Variants in ZBTB20 observed in about 807,000 individuals in gnomAD.
The protein encoded by ZBTB20 is zinc finger and BTB domain-containing protein 20.
ZBTB20 carries 9 observed loss-of-function variants against 56.9 expected under a neutral mutation model. The observed-to-expected ratio is 0.16, with a 90% CI of 0.10 to 0.28. The LOEUF (loss-of-function observed/expected upper bound fraction) is 0.28. Ranked by LOEUF, ZBTB20 falls within the 10% of genes least tolerant of loss-of-function variation. The probability of loss-of-function intolerance (pLI) is 1.00; values close to 1 mark genes in which losing one functional copy is unlikely to be tolerated. For synonymous variants in ZBTB20, 417 were observed against 420.7 expected (o/e 0.99, Z 0.11); for missense variants, 655 against 1,003.0 (o/e 0.65, Z 4.69).
chr3:114,737,626 A>T (rs965592689), intron 5 of ZBTB20, among the ~76,000 whole-genome samples: 2 of 152,276 alleles, frequency 1.3e-5, no homozygotes, highest in African/African-American at 4.8e-5. Flanking sequence ...AAATGTGGAA[A>T]TTTTTTTCAG....
intron 3 of ZBTB20, among the ~76,000 whole-genome samples, chr3:114,969,166 T>G (rs1187111314): frequency 1.3e-5 from 2 of 152,186 alleles, no homozygotes; most frequent in Non-Finnish European, 2.9e-5. Flanking sequence ...TGTTCAACAG[T>G]TATCTATAAC....
At chr3:114,515,732 T>TGCC (rs1323717579) in intron 6 of ZBTB20, among the ~76,000 whole-genome samples, 1 of 152,240 alleles carries the variant, frequency 6.6e-6, no homozygotes, top group African/African-American at 2.4e-5. Flanking sequence ...GAGATCTTTC[T>TGCC]GCCTAGCACT....
intron 3 of ZBTB20, among the ~76,000 whole-genome samples, chr3:114,923,097 AAT>A (rs1288212772): frequency 1.3e-5 from 2 of 152,220 alleles, no homozygotes; most frequent in Non-Finnish European, 2.9e-5. Context: ...CAAGTGTAAA[AAT>A]ATTGCACGTT....
chr3:115,068,056 G>A (rs2082272099), intron 2 of ZBTB20, among the ~76,000 whole-genome samples: 1 of 151,782 alleles, frequency 6.6e-6, no homozygotes, highest in South Asian at 2.1e-4. Flanking sequence ...CTTAACAATG[G>A]GTTCTGAATA....
chr3:114,999,063 G>A (rs1225218727), intron 2 of ZBTB20, among the ~76,000 whole-genome samples: 2 of 146,378 alleles, frequency 1.4e-5, no homozygotes, highest in East Asian at 4.1e-4. Flanking sequence ...AAGGAGAGGA[G>A]AGGAGAGCAG....
chr3:115,040,809 G>C (rs917621086), intron 2 of ZBTB20, among the ~76,000 whole-genome samples: 1 of 152,074 alleles, frequency 6.6e-6, no homozygotes, highest in African/African-American at 2.4e-5. Flanking sequence ...TTTTTGCCTT[G>C]AAACATTTCA....
At chr3:114,453,077 C>G (rs1024130225) in intron 7 of ZBTB20, among the ~76,000 whole-genome samples, 1 of 152,128 alleles carries the variant, frequency 6.6e-6, no homozygotes, top group Non-Finnish European at 1.5e-5. Flanking sequence ...TTTACACATA[C>G]AGCTCACATC....
chr3:115,146,607 CG>C (rs2084983115), intron 1 of ZBTB20, among the ~76,000 whole-genome samples: 2 of 152,172 alleles, frequency 1.3e-5, no homozygotes, highest in African/African-American at 4.8e-5. Context: ...GCGAAGCAGG[CG>C]GGGGCCGGGA....
chr3:114,347,092 T>C (rs371050881), intron 11 of ZBTB20, among the ~76,000 whole-genome samples: 3 of 137,996 alleles, frequency 2.2e-5, no homozygotes, highest in Admixed American at 7.2e-5. Context: ...TTTTTTTTTT[T>C]TTTTTTTTTT....
At chr3:114,445,241 T>C (rs757975612) in intron 7 of ZBTB20, among the ~76,000 whole-genome samples, 1 of 152,202 alleles carries the variant, frequency 6.6e-6, no homozygotes, top group Non-Finnish European at 1.5e-5. Context: ...TAGTAAATTC[T>C]ACAGTTAATT....
intron 7 of ZBTB20, among the ~76,000 whole-genome samples, chr3:114,399,879 A>T (rs1205023625): frequency 6.6e-6 from 1 of 151,984 alleles, no homozygotes; most frequent in Non-Finnish European, 1.5e-5. Context: ...ATATATATTG[A>T]CCTAGACATG....
chr3:114,466,238 T>C (rs1576915092), intron 7 of ZBTB20, among the ~76,000 whole-genome samples: 1 of 152,182 alleles, frequency 6.6e-6, no homozygotes, highest in East Asian at 1.9e-4. Context: ...CAACCCTCAC[T>C]AACACAATGT....
chr3:114,561,651 T>C (rs972236690), intron 6 of ZBTB20, among the ~76,000 whole-genome samples: 7 of 152,070 alleles, frequency 4.6e-5, no homozygotes. Context: ...TATAAACAGA[T>C]ATGCTCTTGT....
intron 5 of ZBTB20, among the ~76,000 whole-genome samples, chr3:114,716,380 C>T (rs1191578127): frequency 1.3e-5 from 2 of 151,930 alleles, no homozygotes; most frequent in Admixed American, 6.6e-5. Context: ...TATTATTAAT[C>T]TTTTAAGACA....
Position 114,339,522 on chromosome 3 carries a change from A to C in ZBTB20, c.1805-96T>G. On this transcript the variant is annotated intron_variant, in intron 11 of 11. Coordinates refer to ENST00000675478, the MANE Select transcript of ZBTB20 (RefSeq NM_001348800.3). The surrounding 1 kb of genome is among the most constrained non-coding windows in gnomAD (Gnocchi z 4.2). ...GAAAAACAAGACAACAAAAAAGAAA[A>C]ATAAAACAATTAAAAAATAAAATTT... 7.5e-7 allele frequency: 1 copy of C among 1,338,532 alleles called. No individual in the cohort carries two copies. Among genetic ancestry groups the C allele is most frequent in the South Asian group, 1.5e-5 (1 of 65,880 alleles). The allele number at this position is 1,338,532 out of a possible 1,614,324, so 82.9% of individuals were successfully genotyped here. A position where few individuals can be genotyped will look rare whatever the true frequency, so the allele number is the denominator to read the frequency against.
intron 3 of ZBTB20, among the ~76,000 whole-genome samples, chr3:114,966,905 C>G (rs1343540870): frequency 6.6e-6 from 1 of 151,988 alleles, no homozygotes; most frequent in Non-Finnish European, 1.5e-5. Context: ...TCATGGGAAA[C>G]ATTTTAGGAT....
intron 6 of ZBTB20, among the ~76,000 whole-genome samples, chr3:114,593,734 T>G (rs989005056): frequency 6.6e-6 from 1 of 152,142 alleles, no homozygotes; most frequent in Non-Finnish European, 1.5e-5. Context: ...ATATAACTGG[T>G]CATAGATAGT....
chr3:115,064,668 C>T (rs967811943), intron 2 of ZBTB20, among the ~76,000 whole-genome samples: 4 of 151,908 alleles, frequency 2.6e-5, no homozygotes, highest in East Asian at 1.9e-4. Context: ...AGGCTGGTCT[C>T]GAGCTCCTGA....
intron 6 of ZBTB20, among the ~76,000 whole-genome samples, chr3:114,620,502 G>T (rs1302975876): frequency 6.6e-6 from 1 of 152,126 alleles, no homozygotes; most frequent in African/African-American, 2.4e-5. Context: ...ATGTTTATCA[G>T]GCTGGTCTCG....
Sources: allele counts gnomAD v4.1 joint callset (sites outside exome capture counted in the v4.1 genomes callset), GRCh38; gene constraint gnomAD v4.1.1; non-coding constraint Gnocchi (gnomAD v3.1); transcripts MANE v1.5; gene names NCBI Gene and HGNC (gene_info 2026-07-23, HGNC 2026-07-21).